The following FOXN3 variants were observed in gnomAD, a reference collection of about 807,000 sequenced individuals.
FOXN3 encodes the protein forkhead box N3.
A neutral mutation model predicts 38.4 loss-of-function variants in FOXN3; 7 were observed. The ratio of observed to expected loss-of-function variants is 0.18; its 90% CI spans 0.10 to 0.34. FOXN3 has a LOEUF of 0.34. Ranked by LOEUF, FOXN3 falls within the 10% of genes least tolerant of loss-of-function variation. FOXN3 has a pLI of 1.00. For synonymous variants in FOXN3, 230 were observed against 242.2 expected (o/e 0.95, Z 0.47); for missense variants, 456 against 613.4 (o/e 0.74, Z 2.71).
In FOXN3 at chr14:89,502,965, T is replaced by G. The variant is rs572493698; in HGVS notation, c.-14-90475A>C. Reference sequence around the variant, plus strand: ...CCAAGCAGATAAAAGCCCTCTTTTATGAGTTCTGAAGTGCTTGAAAATCTC... The same window carrying G: ...CCAAGCAGATAAAAGCCCTCTTTTAGGAGTTCTGAAGTGCTTGAAAATCTC... On this transcript the variant is annotated intron_variant, in intron 1 of 6. Coordinates refer to the FOXN3 transcript ENST00000345097. 3.3e-5 allele frequency among the ~76,000 whole-genome samples: 5 copies of G among 152,350 alleles called. No homozygotes were observed. In the South Asian group the frequency reaches 1.0e-3, roughly 32 times the overall value.
chr14:89,588,806 C>T (rs191931496), intron 1 of FOXN3, among the ~76,000 whole-genome samples: 4 of 152,256 alleles, frequency 2.6e-5, no homozygotes, highest in African/African-American at 9.6e-5. Context: ...AAACCCAAGG[C>T]GTTAGATACC....
chr14:89,311,233 T>A (rs1304819128), intron 3 of FOXN3, among the ~76,000 whole-genome samples: 2 of 151,756 alleles, frequency 1.3e-5, no homozygotes, highest in Non-Finnish European at 1.5e-5. Context: ...CTCATACCTG[T>A]AATCCCAGCA....
At chr14:89,415,650 G>T (rs2140100566) in intron 1 of FOXN3, among the ~76,000 whole-genome samples, 1 of 133,234 alleles carries the variant, frequency 7.5e-6, no homozygotes, top group African/African-American at 2.8e-5. Context: ...AGAAACCACA[G>T]CTGAGGAGTT....
At chr14:89,428,677 G>A (rs1329168762) in intron 1 of FOXN3, among the ~76,000 whole-genome samples, 2 of 152,218 alleles carry the variant, frequency 1.3e-5, no homozygotes, top group Non-Finnish European at 2.9e-5. Flanking sequence ...ATGGGTCCCG[G>A]AGGGGGTGCT....
intron 2 of FOXN3, among the ~76,000 whole-genome samples, chr14:89,363,823 G>A (rs947681313): frequency 1.3e-5 from 2 of 151,598 alleles, no homozygotes; most frequent in African/African-American, 4.9e-5. Context: ...CTCATGCCTG[G>A]TCACAGGACT....
chr14:89,577,146 T>C (rs1339836549), intron 1 of FOXN3: 6 of 152,256 alleles, frequency 3.9e-5, no homozygotes, highest in African/African-American at 9.7e-5. Context: ...GCAGAGTCTA[T>C]GCAGAGGGCC....
intron 4 of FOXN3, among the ~76,000 whole-genome samples, chr14:89,266,191 A>T (rs1479286932): frequency 1.3e-5 from 2 of 152,188 alleles, no homozygotes; most frequent in Non-Finnish European, 2.9e-5. Flanking sequence ...ATGTTCTCAC[A>T]GTTCTGGAGG....
intron 1 of FOXN3, among the ~76,000 whole-genome samples, chr14:89,415,604 C>CAAAAAAAAAAAAAAAAAAAAAAAAAAA (rs34026101): frequency 5.5e-5 from 3 of 54,272 alleles, no homozygotes; most frequent in Non-Finnish European, 7.8e-5. Context: ...CAACAATAAC[C>CAAAAAAAAAAAAAAAAAAAAAAAAAAA]AAAAAAAAAA....
chr14:89,360,825 T>C (rs374729012), intron 2 of FOXN3, among the ~76,000 whole-genome samples: 1 of 27,576 alleles, frequency 3.6e-5, no homozygotes, highest in Non-Finnish European at 6.8e-5. Context: ...CACCACCACC[T>C]CCACCACTAC....
At chr14:89,476,097 T>C (rs540503104) in intron 1 of FOXN3, among the ~76,000 whole-genome samples, 1 of 152,316 alleles carries the variant, frequency 6.6e-6, no homozygotes, top group Non-Finnish European at 1.5e-5. Context: ...CCAGCAGGAA[T>C]AAACACTGAG....
intron 4 of FOXN3, among the ~76,000 whole-genome samples, chr14:89,259,190 TGTTACAG>T (rs1885720274): frequency 6.6e-6 from 1 of 152,232 alleles, no homozygotes; most frequent in East Asian, 1.9e-4. Flanking sequence ...CCTAGAGAGA[TGTTACAG>T]GAAACTGCCT....
intron 4 of FOXN3, among the ~76,000 whole-genome samples, chr14:89,204,431 C>T (rs1596101324): frequency 6.6e-6 from 1 of 152,218 alleles, no homozygotes; most frequent in East Asian, 1.9e-4. Flanking sequence ...CAACACTTAG[C>T]CTTTTACTCT....
chr14:89,409,002 C>CT (rs1318679933), intron 2 of FOXN3, among the ~76,000 whole-genome samples: 1 of 152,164 alleles, frequency 6.6e-6, no homozygotes, highest in Non-Finnish European at 1.5e-5. Flanking sequence ...CTGGAAGGAC[C>CT]TGGGTGTACC....
At chr14:89,514,677 A>G (rs1894167363) in intron 1 of FOXN3, among the ~76,000 whole-genome samples, 1 of 152,144 alleles carries the variant, frequency 6.6e-6, no homozygotes, top group Non-Finnish European at 1.5e-5. Context: ...GCCTAGCACA[A>G]ATACATTTAA....
intron 2 of FOXN3, among the ~76,000 whole-genome samples, chr14:89,399,183 C>T (rs1891182992): frequency 6.6e-6 from 1 of 152,166 alleles, no homozygotes; most frequent in African/African-American, 2.4e-5. Flanking sequence ...AAGGACAAGT[C>T]CTAGTATCTA....
chr14:89,307,370 AC>A (rs1887408368), intron 3 of FOXN3, among the ~76,000 whole-genome samples: 1 of 152,248 alleles, frequency 6.6e-6, no homozygotes, highest in East Asian at 1.9e-4. Flanking sequence ...GTAAATCTAC[AC>A]CTTTTTTTAA....
intron 2 of FOXN3, among the ~76,000 whole-genome samples, chr14:89,383,277 G>A (rs527670355): frequency 1.2e-4 from 19 of 152,106 alleles, no homozygotes; most frequent in Middle Eastern, 3.4e-3. Context: ...CATGTGACAC[G>A]GCAAAAAAGA....
intron 3 of FOXN3, among the ~76,000 whole-genome samples, chr14:89,288,781 G>A (rs1886762311): frequency 8.0e-6 from 1 of 124,798 alleles, no homozygotes; most frequent in Non-Finnish European, 1.6e-5. Flanking sequence ...CTTGCACTGG[G>A]TCCGTAAGCA....
At chr14:89,194,032 G>T (rs549061924) in intron 4 of FOXN3, among the ~76,000 whole-genome samples, 1 of 152,064 alleles carries the variant, frequency 6.6e-6, no homozygotes. Flanking sequence ...TTTTAGTTAG[G>T]TGGTTCAACT....
Sources: gnomAD v4.1 joint callset for allele counts (sites outside exome capture counted in the v4.1 genomes callset) on GRCh38, gnomAD v4.1.1 for gene constraint, MANE v1.5 for transcripts, NCBI Gene and HGNC (gene_info 2026-07-23, HGNC 2026-07-21) for gene names.